The following SMYD3 variants were observed in gnomAD, a reference collection of about 807,000 sequenced individuals.
SMYD3 encodes histone-lysine N-methyltransferase SMYD3.
Under a neutral mutation model 57.7 loss-of-function variants are expected in SMYD3, and 36 were observed. The ratio of observed to expected loss-of-function variants is 0.62; its 90% CI spans 0.48 to 0.82. The LOEUF is 0.82. Among genes scored for constraint, SMYD3 ranks in the 40% least tolerant of loss-of-function variants. SMYD3 has a pLI of 0.00. For missense variants in SMYD3, 515 were observed against 538.8 expected (o/e 0.96, Z 0.44); for synonymous variants, 211 against 195.0 (o/e 1.08, Z -0.68).
chr1:246,353,997 T>C (rs1430988914), intron 2 of SMYD3, among the ~76,000 whole-genome samples: 1 of 152,106 alleles, frequency 6.6e-6, no homozygotes, highest in African/African-American at 2.4e-5. Flanking sequence ...CCACTTTTTG[T>C]GTCGTCTCAA....
chr1:245,900,020 C>G (rs1158682646), intron 8 of SMYD3, among the ~76,000 whole-genome samples: 1 of 152,160 alleles, frequency 6.6e-6, no homozygotes, highest in East Asian at 1.9e-4. Context: ...AACTGCAGAT[C>G]TTGAGACTTC....
At chr1:245,894,573 C>T (rs2053627404) in intron 8 of SMYD3, among the ~76,000 whole-genome samples, 1 of 152,172 alleles carries the variant, frequency 6.6e-6, no homozygotes, top group Non-Finnish European at 1.5e-5. Context: ...ACCATGAACC[C>T]ACCGGAAGGA....
chr1:246,001,292 G>A (rs970369283), intron 5 of SMYD3, among the ~76,000 whole-genome samples: 7 of 152,178 alleles, frequency 4.6e-5, no homozygotes, highest in African/African-American at 7.2e-5. Context: ...AAGATGAATT[G>A]CTCCAAGGAG....
chr1:246,162,866 C>T (rs988453843), intron 5 of SMYD3, among the ~76,000 whole-genome samples: 1 of 152,160 alleles, frequency 6.6e-6, no homozygotes. Flanking sequence ...AATGGTAGAG[C>T]ACAACCAACT....
chr1:245,807,729 C>T lies in SMYD3; in HGVS notation c.1077-43580G>A, dbSNP rs543808170. Among the ~76,000 whole-genome samples the T allele has an allele frequency of 1.3e-3, 202 of 151,458 alleles. 1 individual carries two copies. Among genetic ancestry groups the T allele is most frequent in the Admixed American group, 2.1e-3 (32 of 15,226 alleles). ...TCCCTTTCAGAGACGCATCAAGTGA[C>T]GGCACCTGATCAAAGCTGAATTATT... On this transcript the variant is annotated intron_variant, in intron 10 of 11. Coordinates refer to ENST00000490107, the MANE Select transcript of SMYD3 (RefSeq NM_001167740.2).
At chr1:246,278,272 T>C (rs925869523) in intron 5 of SMYD3, among the ~76,000 whole-genome samples, 6 of 152,186 alleles carry the variant, frequency 3.9e-5, no homozygotes, top group African/African-American at 1.4e-4. Context: ...AGACAAACTT[T>C]AAGTTGGCCC....
intron 1 of SMYD3, among the ~76,000 whole-genome samples, chr1:246,403,715 A>C (rs2066812432): frequency 6.6e-6 from 1 of 152,232 alleles, no homozygotes; most frequent in South Asian, 2.1e-4. Context: ...AATATCACAA[A>C]GTGGTGAAAA....
chr1:246,399,355 G>T (rs1224316308), intron 1 of SMYD3, among the ~76,000 whole-genome samples: 8 of 151,056 alleles, frequency 5.3e-5, no homozygotes, highest in African/African-American at 2.0e-4. Context: ...TTATTTTTGA[G>T]GCACAACCTC....
chr1:246,218,574 T>G (rs2063202743), intron 5 of SMYD3, among the ~76,000 whole-genome samples: 1 of 149,814 alleles, frequency 6.7e-6, no homozygotes. Context: ...TAAACCGAGA[T>G]GGCGCCACTG....
At chr1:246,326,467 TAAAAA>T in intron 5 of SMYD3, 2 of 535,304 alleles carry the variant, frequency 3.7e-6, no homozygotes, top group South Asian at 2.3e-5. Context: ...CGGAATCATT[TAAAAA>T]AAAAAAAAAT....
intron 5 of SMYD3, among the ~76,000 whole-genome samples, chr1:245,967,406 A>G (rs1379834801): frequency 6.6e-6 from 1 of 152,220 alleles, no homozygotes; most frequent in Non-Finnish European, 1.5e-5. Context: ...CTTCCTATCA[A>G]CTCAGACAAT....
intron 8 of SMYD3, among the ~76,000 whole-genome samples, chr1:245,896,218 T>A (rs2053770580): frequency 6.6e-6 from 1 of 152,074 alleles, no homozygotes; most frequent in Non-Finnish European, 1.5e-5. Context: ...ATCTTCTCGT[T>A]TTTTCTTTGC....
intron 10 of SMYD3, among the ~76,000 whole-genome samples, chr1:245,768,789 C>T (rs555987680): frequency 3.4e-4 from 52 of 152,090 alleles, no homozygotes; most frequent in Middle Eastern, 3.4e-3. Flanking sequence ...GATGTAGCAA[C>T]AAGACATCAT....
intron 5 of SMYD3, among the ~76,000 whole-genome samples, chr1:246,217,935 C>G (rs1358197555): frequency 6.6e-6 from 1 of 151,754 alleles, no homozygotes; most frequent in Non-Finnish European, 1.5e-5. Context: ...GTTATATATC[C>G]AAGAAAAACT....
intron 5 of SMYD3, among the ~76,000 whole-genome samples, chr1:246,119,894 T>A (rs1046433179): frequency 6.6e-6 from 1 of 152,170 alleles, no homozygotes; most frequent in African/African-American, 2.4e-5. Flanking sequence ...GTGGCTGAGA[T>A]CCCTATAACA....
intron 1 of SMYD3, among the ~76,000 whole-genome samples, chr1:246,372,484 A>T (rs2066209128): frequency 6.6e-6 from 1 of 152,234 alleles, no homozygotes; most frequent in Non-Finnish European, 1.5e-5. Context: ...AGTATGAATT[A>T]ATTTATTCAG....
chr1:245,761,687 C>T (rs940328281), intron 11 of SMYD3, among the ~76,000 whole-genome samples: 6 of 152,020 alleles, frequency 3.9e-5, no homozygotes, highest in Non-Finnish European at 7.4e-5. Flanking sequence ...TTTAACTGGA[C>T]CAGTCTAGAG....
intron 10 of SMYD3, among the ~76,000 whole-genome samples, chr1:245,817,397 A>ACAT (rs2048910399): frequency 6.7e-6 from 1 of 148,714 alleles, no homozygotes; most frequent in Non-Finnish European, 1.5e-5. Context: ...ACCCATCTGT[A>ACAT]CATCACCATC....
intron 5 of SMYD3, among the ~76,000 whole-genome samples, chr1:246,205,177 C>G (rs75552700): frequency 6.6e-6 from 1 of 152,140 alleles, no homozygotes; most frequent in Non-Finnish European, 1.5e-5. Context: ...GGAATTTAGA[C>G]GTAAGAAGAC....
Sources: gnomAD v4.1 joint callset for allele counts (sites outside exome capture counted in the v4.1 genomes callset) on GRCh38, gnomAD v4.1.1 for gene constraint, MANE v1.5 for transcripts, NCBI Gene and HGNC (gene_info 2026-07-23, HGNC 2026-07-21) for gene names.